Variants in LYST observed in about 807,000 individuals in gnomAD.
LYST encodes lysosomal-trafficking regulator.
Under a neutral mutation model 413.6 loss-of-function variants are expected in LYST, and 192 were observed. The observed-to-expected ratio is 0.46, with a 90% CI of 0.41 to 0.52. LYST has a LOEUF of 0.52. Ranked by LOEUF, LYST falls within the 20% of genes least tolerant of loss-of-function variation. The pLI is 0.00. For missense variants in LYST, 3,815 were observed against 4,499.9 expected, an observed-to-expected ratio of 0.85 and a Z score of 4.35; for synonymous variants, 1,525 against 1,567.3, an observed-to-expected ratio of 0.97 and a Z score of 0.64.
At chr1:235,763,216 C>A (rs949135760) in intron 21 of LYST, among the ~76,000 whole-genome samples, 2 of 151,870 alleles carry the variant, frequency 1.3e-5, no homozygotes, top group Admixed American at 1.3e-4. Flanking sequence ...TTTATATATC[C>A]CCTTCAGTGT....
intron 44 of LYST, among the ~76,000 whole-genome samples, chr1:235,705,727 A>G (rs192131538): frequency 6.6e-6 from 1 of 151,126 alleles, no homozygotes; most frequent in Admixed American, 6.5e-5. Context: ...GAATAACTGA[A>G]AAGATGGTTC....
intron 28 of LYST, among the ~76,000 whole-genome samples, chr1:235,747,697 C>T (rs1666064819): frequency 6.6e-6 from 1 of 152,096 alleles, no homozygotes; most frequent in Non-Finnish European, 1.5e-5. Flanking sequence ...TGATAATACA[C>T]TGAATAAGGA....
chr1:235,823,522 A>G (rs2102964736), intron 3 of LYST, among the ~76,000 whole-genome samples: 1 of 152,342 alleles, frequency 6.6e-6, no homozygotes, highest in South Asian at 2.1e-4. Flanking sequence ...AATTTCCCCA[A>G]TGTTTTCAGA....
chr1:235,829,213 C>A (rs888511147), intron 3 of LYST, among the ~76,000 whole-genome samples: 2 of 152,070 alleles, frequency 1.3e-5, no homozygotes, highest in African/African-American at 2.4e-5. Flanking sequence ...TCAAAAAAAA[C>A]CATAAACCTA....
intron 20 of LYST, among the ~76,000 whole-genome samples, chr1:235,767,892 G>C (rs1668296741): frequency 6.6e-6 from 1 of 151,978 alleles, no homozygotes; most frequent in African/African-American, 2.4e-5. Context: ...TTGGTTCAAG[G>C]TATCATCTTC....
intron 1 of LYST, among the ~76,000 whole-genome samples, chr1:235,880,921 T>A (rs1681349561): frequency 6.6e-6 from 1 of 151,708 alleles, no homozygotes; most frequent in African/African-American, 2.4e-5. Flanking sequence ...AGGTCCGGAG[T>A]TCAAGACCAG....
chr1:235,786,299 TTAAAG>T (rs1670404787), intron 14 of LYST, among the ~76,000 whole-genome samples: 1 of 152,130 alleles, frequency 6.6e-6, no homozygotes, highest in Non-Finnish European at 1.5e-5. Flanking sequence ...GATTTGTAAG[TTAAAG>T]TATAGTAAAT....
chr1:235,719,825 G>A (rs12074371), intron 40 of LYST, among the ~76,000 whole-genome samples: 2 of 151,750 alleles, frequency 1.3e-5, no homozygotes, highest in East Asian at 3.9e-4. Flanking sequence ...AAGAATAAGT[G>A]ACCTGGTTTT....
At chr1:235,802,665 T>C (rs1376193015) in intron 8 of LYST, among the ~76,000 whole-genome samples, 1 of 152,196 alleles carries the variant, frequency 6.6e-6, no homozygotes, top group African/African-American at 2.4e-5. Flanking sequence ...ATACATGAAA[T>C]TGGGGACTCT....
chr1:235,691,371 T>C (rs1660638869), intron 47 of LYST, among the ~76,000 whole-genome samples: 1 of 152,206 alleles, frequency 6.6e-6, no homozygotes, highest in Admixed American at 6.5e-5. Context: ...AGTTAGTATA[T>C]AACGAAGCTG....
chr1:235,680,785 G>A (rs2103043614), intron 48 of LYST, among the ~76,000 whole-genome samples: 1 of 152,142 alleles, frequency 6.6e-6, no homozygotes, highest in Non-Finnish European at 1.5e-5. Context: ...TTTTAGTAGA[G>A]AAGAGGTTTC....
intron 29 of LYST, among the ~76,000 whole-genome samples, chr1:235,744,382 A>G (rs1480282603): frequency 6.6e-6 from 1 of 152,200 alleles, no homozygotes. Flanking sequence ...TCCAAATTAA[A>G]TATTTAATGG....
chr1:235,745,281 T>C (rs903038295), intron 29 of LYST, among the ~76,000 whole-genome samples: 2 of 152,206 alleles, frequency 1.3e-5, no homozygotes, highest in Non-Finnish European at 2.9e-5. Flanking sequence ...TGAATAGCTT[T>C]TTTTAGTGGG....
chr1:235,881,255 T>C (rs1029636532), intron 1 of LYST, among the ~76,000 whole-genome samples: 21 of 152,234 alleles, frequency 1.4e-4, no homozygotes, highest in South Asian at 4.1e-4. Flanking sequence ...TCAACAGGTT[T>C]GCAAGTTCTT....
intron 28 of LYST, among the ~76,000 whole-genome samples, chr1:235,746,904 AT>A: frequency 6.6e-6 from 1 of 152,182 alleles, no homozygotes; most frequent in Non-Finnish European, 1.5e-5. Flanking sequence ...AATGCACATA[AT>A]TTTTTAGTAA....
intron 39 of LYST, among the ~76,000 whole-genome samples, chr1:235,723,010 G>A (rs1663521607): frequency 6.6e-6 from 1 of 152,186 alleles, no homozygotes; most frequent in South Asian, 2.1e-4. Context: ...AAACCAGGAT[G>A]GTAGCAGTGG....
chr1:235,755,548 G>A lies in LYST; in HGVS notation c.7159C>T (p.Arg2387Ter), dbSNP rs1553283111. 6.2e-7 allele frequency: 1 copy of A among 1,613,230 alleles called. No individual in the cohort carries two copies. Among genetic ancestry groups the A allele is most frequent in the Non-Finnish European group, 8.5e-7 (1 of 1,179,230 alleles). Residue 2387 changes from arginine to a stop codon, truncating the protein, a stop_gained, in exon 25 of 53, where the codon CGA becomes TGA. Coordinates refer to ENST00000389793, the MANE Select transcript of LYST (RefSeq NM_000081.4). LOFTEE classifies it high-confidence loss of function. ...CATTCTAACAATTCTTGAGTTCCTC[G>A]ATGAAGATACAACTGGTTGGCTAGC... is the stretch of plus-strand genomic sequence containing the variant. Reference protein sequence around the residue: ...SLLANQLYLHRGTQELLECFI... With the variant: ...SLLANQLYLH
rs1410958077 is a variant in LYST, at chr1:235,854,797, C to T, written c.-98+12046G>A. ...TTACACCTAAGCATCCTTAGACCTT[C>T]AACTCCTCTCTTACTTGCAATACTA... On this transcript the variant is annotated intron_variant, in intron 1 of 52. Coordinates refer to ENST00000389793, the MANE Select transcript of LYST (RefSeq NM_000081.4). This position sits in a 1 kb window ranked among gnomAD's most constrained non-coding sequence, Gnocchi z 4.1. Among the ~76,000 whole-genome samples the T allele has an allele frequency of 6.6e-6, 1 of 152,126 alleles. No homozygotes were observed. The highest frequency in any genetic ancestry group is 2.4e-5 in the African/African-American group (1 of 41,432).
intron 30 of LYST, 107 bp downstream of exon 30, chr1:235,743,872 T>A (rs772553841): frequency 5.8e-6 from 4 of 688,732 alleles, no homozygotes; most frequent in Non-Finnish European, 1.0e-5. Context: ...AAAAGCTCTC[T>A]GAAAGAGCAC....
Sources: allele counts gnomAD v4.1 joint callset (sites outside exome capture counted in the v4.1 genomes callset), GRCh38; gene constraint gnomAD v4.1.1; non-coding constraint Gnocchi (gnomAD v3.1); transcripts MANE v1.5; gene names NCBI Gene and HGNC (gene_info 2026-07-23, HGNC 2026-07-21).